FHIT: variants seen among roughly 807,000 people sequenced by gnomAD.
FHIT encodes the protein fragile histidine triad diadenosine triphosphatase, also known as bis(5'-adenosyl)-triphosphatase.
FHIT carries 19 observed loss-of-function variants against 17.9 expected under a neutral mutation model. The observed-to-expected ratio is 1.06, with a 90% CI of 0.74 to 1.56. The LOEUF (loss-of-function observed/expected upper bound fraction) is 1.56, where lower values mean the gene tolerates loss of function less well. Ranked by LOEUF, FHIT falls within the 40% of genes most tolerant of loss-of-function variation. FHIT has a pLI of 0.00. For missense variants in FHIT, 248 were observed against 189.2 expected, an observed-to-expected ratio of 1.31 and a Z score of -1.82; for synonymous variants, 81 against 69.7, an observed-to-expected ratio of 1.16 and a Z score of -0.81.
chr3:60,971,328 G>C (rs112391825), intron 3 of FHIT, among the ~76,000 whole-genome samples: 1 of 152,136 alleles, frequency 6.6e-6, no homozygotes, highest in African/African-American at 2.4e-5. Flanking sequence ...GGTGACAAGA[G>C]TGAGACTCTG....
chr3:60,561,280 A>T (rs907646900), intron 4 of FHIT, among the ~76,000 whole-genome samples: 1 of 152,128 alleles, frequency 6.6e-6, no homozygotes, highest in African/African-American at 2.4e-5. Flanking sequence ...AACAAAGTCA[A>T]TACTCAAGGT....
chr3:60,479,805 T>A (rs2033523718), intron 5 of FHIT, among the ~76,000 whole-genome samples: 1 of 152,188 alleles, frequency 6.6e-6, no homozygotes, highest in South Asian at 2.1e-4. Context: ...ATCTAACTAA[T>A]GCCTGAATAT....
intron 7 of FHIT, among the ~76,000 whole-genome samples, chr3:59,976,598 G>A (rs1279160299): frequency 1.3e-5 from 2 of 151,970 alleles, no homozygotes; most frequent in African/African-American, 4.8e-5. Context: ...AACATCTCCA[G>A]GCACACGCCC....
intron 8 of FHIT, among the ~76,000 whole-genome samples, chr3:59,798,143 A>G (rs2106960479): frequency 6.6e-6 from 1 of 152,300 alleles, no homozygotes; most frequent in South Asian, 2.1e-4. Context: ...AACCTTCTTC[A>G]TGTCCCCTTT....
rs148436058 is a variant in FHIT, at chr3:60,172,599, G to C, written c.104-158447C>G. On this transcript the variant is annotated intron_variant, in intron 5 of 9. Coordinates refer to ENST00000492590, the MANE Select transcript of FHIT (RefSeq NM_002012.4). ...ACTGAAGTGTGTTTTGTTAGAATAAGAGAAAGAAAGACGTGGGATAGGGGC... is the reference window on the plus strand; with the variant it reads ...ACTGAAGTGTGTTTTGTTAGAATAACAGAAAGAAAGACGTGGGATAGGGGC... Among the ~76,000 whole-genome samples, 752 of 152,212 alleles carry C rather than the reference G, an allele frequency of 4.9e-3. 4 individuals are homozygous for C. Among genetic ancestry groups the C allele is most frequent in the African/African-American group, 0.017 (708 of 41,536 alleles).
intron 3 of FHIT, among the ~76,000 whole-genome samples, chr3:60,861,626 C>T (rs1703900627): frequency 6.6e-6 from 1 of 151,940 alleles, no homozygotes; most frequent in Non-Finnish European, 1.5e-5. Flanking sequence ...TCTAGTCTCT[C>T]ATGTTCCCCT....
At chr3:60,273,944 A>C (rs1706994252) in intron 5 of FHIT, among the ~76,000 whole-genome samples, 1 of 151,980 alleles carries the variant, frequency 6.6e-6, no homozygotes, top group African/African-American at 2.4e-5. Flanking sequence ...AAATGCACTT[A>C]TATAACTTTT....
At chr3:59,814,309 C>G (rs1220173732) in intron 8 of FHIT, among the ~76,000 whole-genome samples, 3 of 152,094 alleles carry the variant, frequency 2.0e-5, no homozygotes, top group African/African-American at 7.2e-5. Context: ...AAATGACGGC[C>G]AACAGTTTGG....
At chr3:60,105,551 A>T (rs999847839) in intron 5 of FHIT, among the ~76,000 whole-genome samples, 1 of 152,212 alleles carries the variant, frequency 6.6e-6, no homozygotes, top group Non-Finnish European at 1.5e-5. Flanking sequence ...AGGGTGAAAC[A>T]TATAAGAATA....
At chr3:60,244,389 T>C (rs1043114106) in intron 5 of FHIT, among the ~76,000 whole-genome samples, 2 of 152,074 alleles carry the variant, frequency 1.3e-5, no homozygotes, top group African/African-American at 2.4e-5. Flanking sequence ...CCAGGATCTA[T>C]AATTTCTCAG....
At chr3:59,856,234 A>T (rs1702151031) in intron 8 of FHIT, among the ~76,000 whole-genome samples, 1 of 152,228 alleles carries the variant, frequency 6.6e-6, no homozygotes, top group Non-Finnish European at 1.5e-5. Flanking sequence ...ATGCCTAAAA[A>T]TTTATAACTA....
intron 4 of FHIT, among the ~76,000 whole-genome samples, chr3:60,678,960 T>TA (rs34590329): frequency 0.61 from 87,319 of 142,172 alleles, 27,363 homozygotes; most frequent in Non-Finnish European, 0.7. Context: ...TTTGAGTCCT[T>TA]AAAAAAAAAA....
chr3:60,911,585 A>G (rs1407082055), intron 3 of FHIT, among the ~76,000 whole-genome samples: 1 of 152,246 alleles, frequency 6.6e-6, no homozygotes, highest in African/African-American at 2.4e-5. Context: ...GGCCCCACCA[A>G]GCACTGCCAT....
At chr3:61,130,874 A>G (rs2036742990) in intron 2 of FHIT, among the ~76,000 whole-genome samples, 1 of 152,194 alleles carries the variant, frequency 6.6e-6, no homozygotes, top group Admixed American at 6.5e-5. Flanking sequence ...GGAATAAGAC[A>G]CTTAACCCTT....
intron 2 of FHIT, among the ~76,000 whole-genome samples, chr3:61,073,027 G>A (rs915267076): frequency 2.6e-5 from 4 of 152,066 alleles, no homozygotes; most frequent in Non-Finnish European, 5.9e-5. Context: ...CAAAGACAAA[G>A]TTTTCCAAGG....
intron 5 of FHIT, among the ~76,000 whole-genome samples, chr3:60,302,695 T>G (rs969206510): frequency 1.3e-5 from 2 of 152,194 alleles, no homozygotes; most frequent in Non-Finnish European, 2.9e-5. Flanking sequence ...CATATTTCAC[T>G]GACGTCTAAC....
chr3:59,939,238 G>A (rs1438336771), intron 7 of FHIT, among the ~76,000 whole-genome samples: 11 of 152,066 alleles, frequency 7.2e-5, no homozygotes, highest in Admixed American at 6.6e-4. Context: ...CTTGATTTAT[G>A]CTGGCCAAAC....
intron 8 of FHIT, among the ~76,000 whole-genome samples, chr3:59,919,279 C>G (rs1251761169): frequency 6.6e-6 from 1 of 152,142 alleles, no homozygotes; most frequent in African/African-American, 2.4e-5. Context: ...GGAAGCTCAC[C>G]CCCTTGGAAG....
At chr3:60,780,396 A>G (rs1700343696) in intron 4 of FHIT, among the ~76,000 whole-genome samples, 1 of 152,100 alleles carries the variant, frequency 6.6e-6, no homozygotes, top group Non-Finnish European at 1.5e-5. Flanking sequence ...CAGAAGCCCA[A>G]CGTGCCAGCA....
Sources: gnomAD v4.1 joint callset for allele counts (sites outside exome capture counted in the v4.1 genomes callset) on GRCh38, gnomAD v4.1.1 for gene constraint, MANE v1.5 for transcripts, NCBI Gene and HGNC (gene_info 2026-07-23, HGNC 2026-07-21) for gene names.